Variants in FRMPD1 observed in about 807,000 individuals in gnomAD.
FRMPD1 encodes FERM and PDZ domain containing 1.
Under a neutral mutation model 117.8 loss-of-function variants are expected in FRMPD1, and 76 were observed. The ratio of observed to expected loss-of-function variants is 0.65; its 90% confidence interval spans 0.54 to 0.78. FRMPD1 has a LOEUF of 0.78. Among genes scored for constraint, FRMPD1 ranks in the 30% least tolerant of loss-of-function variants. The pLI is 0.00. For missense variants in FRMPD1, 1,786 were observed against 1,964.5 expected (o/e 0.91, Z 1.72); for synonymous variants, 783 against 770.4 (o/e 1.02, Z -0.27).
chr9:37,726,666 C>G (rs958605559), intron 7 of FRMPD1, among the ~76,000 whole-genome samples: 1 of 151,920 alleles, frequency 6.6e-6, no homozygotes, highest in Non-Finnish European at 1.5e-5. Flanking sequence ...CCACTGCACT[C>G]CAGCCTGGGC....
At position 37,735,743 on chromosome 9, in the gene FRMPD1, A is replaced by G. The variant is rs757999523; in HGVS notation, c.1401+9A>G. 4 of 1,597,068 alleles carry G rather than the reference A, an allele frequency of 2.5e-6. No individual in the cohort carries two copies. The highest frequency in any genetic ancestry group is 2.7e-5 in the African/African-American group (2 of 74,788). On this transcript the variant is annotated intron_variant, in intron 13 of 15. Coordinates refer to ENST00000377765, the MANE Select transcript of FRMPD1 (RefSeq NM_014907.3). ...ATCTTCAGGACGTCAAGGTAACACA[A>G]TGGGGAGAGATTCTGAATTCAACTG...
chr9:37,717,381 A>ATATATT lies in FRMPD1; in HGVS notation c.409-1687_409-1686insATATTT, dbSNP rs1335593457. ...TGTGTGTGTGTGTGTATATATATAT[A>ATATATT]TTTTTTTTTTTTTTTTGAGATGTAG... On this transcript the variant is annotated intron_variant, in intron 5 of 15. Coordinates refer to ENST00000377765, the MANE Select transcript of FRMPD1 (RefSeq NM_014907.3). Among the ~76,000 whole-genome samples, 194 of 114,338 alleles carry ATATATT rather than the reference A, an allele frequency of 1.7e-3. 1 individual carries two copies. Among genetic ancestry groups the ATATATT allele is most frequent in the Non-Finnish European group, 2.0e-3 (114 of 56,504 alleles). 75.0% of individuals were successfully genotyped at this position (114,338 alleles called of 152,430 possible). A position where few individuals can be genotyped will look rare whatever the true frequency, so the allele number is the denominator to read the frequency against.
At chr9:37,717,204 C>G (rs754442204) in intron 5 of FRMPD1, among the ~76,000 whole-genome samples, 1 of 151,732 alleles carries the variant, frequency 6.6e-6, no homozygotes, top group Non-Finnish European at 1.5e-5. Context: ...ACTTGATTGG[C>G]TCTGACTTGT....
chr9:37,613,801 C>T, the FRMPD1 span, among the ~76,000 whole-genome samples: 5 of 152,304 alleles, frequency 3.3e-5, no homozygotes, highest in South Asian at 2.1e-4. Context: ...GTACTATGTG[C>T]GGCTTCATGG....
chr9:37,697,395 C>G (rs1316042965), intron 2 of FRMPD1, among the ~76,000 whole-genome samples: 2 of 151,710 alleles, frequency 1.3e-5, no homozygotes, highest in African/African-American at 2.4e-5. Flanking sequence ...AATCCCGTCT[C>G]TGCTAAAAAA....
chr9:37,721,378 A>G (rs1823392036), intron 6 of FRMPD1, among the ~76,000 whole-genome samples: 1 of 152,254 alleles, frequency 6.6e-6, no homozygotes, highest in African/African-American at 2.4e-5. Flanking sequence ...CAATCACTGT[A>G]TTAAGAAGGA....
chr9:37,710,813 C>A (rs1822877442), intron 4 of FRMPD1, among the ~76,000 whole-genome samples: 1 of 151,894 alleles, frequency 6.6e-6, no homozygotes, highest in Non-Finnish European at 1.5e-5. Context: ...AAAAAATTAG[C>A]TGGGTGTGGT....
At chr9:37,701,014 A>G (rs1037442645) in intron 2 of FRMPD1, among the ~76,000 whole-genome samples, 40 of 152,226 alleles carry the variant, frequency 2.6e-4, no homozygotes, top group Non-Finnish European at 5.4e-4. Context: ...TTGGTCATGT[A>G]CTTAGGTTAA....
chr9:37,638,010 T>TCTCTCTC, the FRMPD1 span, among the ~76,000 whole-genome samples: 1 of 124,198 alleles, frequency 8.1e-6, no homozygotes, highest in Non-Finnish European at 1.7e-5. Context: ...CTTTCTTTCT[T>TCTCTCTC]TCTTTCTTTC....
At chr9:37,660,618 C>G (rs60770543) in intron 1 of FRMPD1, among the ~76,000 whole-genome samples, 16,353 of 152,230 alleles carry the variant, frequency 0.11, 1,362 homozygotes, top group African/African-American at 0.23. Context: ...TCCATTTTGA[C>G]AAGGCTTGTT....
At chr9:37,737,376 G>C in intron 14 of FRMPD1, 133 bp downstream of exon 14, 2 of 680,000 alleles carry the variant, frequency 2.9e-6, no homozygotes, top group Admixed American at 2.9e-5. Context: ...CTATTTCTCT[G>C]TTTATTTCCT....
chr9:37,709,561 A>G (rs1293909576), intron 4 of FRMPD1, among the ~76,000 whole-genome samples: 3 of 152,192 alleles, frequency 2.0e-5, no homozygotes, highest in Non-Finnish European at 4.4e-5. Context: ...TCTCAAAAAA[A>G]GAGAGAAAGA....
At chr9:37,650,755 G>T (rs1353077625), upstream of FRMPD1, among the ~76,000 whole-genome samples, 1 of 151,888 alleles carries the variant, frequency 6.6e-6, no homozygotes, top group African/African-American at 2.4e-5. Context: ...CAGGGCCCGG[G>T]TGGGAGCGGG....
At chr9:37,707,690 G>T in intron 3 of FRMPD1, 117 bp downstream of exon 3, 1 of 842,968 alleles carries the variant, frequency 1.2e-6, no homozygotes, top group South Asian at 1.7e-5. Flanking sequence ...TGGGAAGTTA[G>T]AAAAGGCACA....
At chr9:37,620,517 T>TA in the FRMPD1 span, among the ~76,000 whole-genome samples, 3,593 of 146,126 alleles carry the variant, frequency 0.025, 148 homozygotes, top group African/African-American at 0.082. Flanking sequence ...CATCATGATT[T>TA]AAAAAAAAAA....
chr9:37,709,506 G>A (rs903500473), intron 4 of FRMPD1, among the ~76,000 whole-genome samples: 2 of 151,800 alleles, frequency 1.3e-5, no homozygotes, highest in Non-Finnish European at 2.9e-5. Context: ...AATGGGCCAC[G>A]ATTGTACCAC....
chr9:37,709,576 G>T (rs748201491), intron 4 of FRMPD1, among the ~76,000 whole-genome samples: 3 of 152,092 alleles, frequency 2.0e-5, no homozygotes, highest in Non-Finnish European at 4.4e-5. Flanking sequence ...GAAAGAAAAA[G>T]AAAAGAAAAG....
At chr9:37,609,713 C>T in the FRMPD1 span, among the ~76,000 whole-genome samples, 4 of 151,566 alleles carry the variant, frequency 2.6e-5, no homozygotes, top group East Asian at 1.9e-4. Flanking sequence ...AGCGGCTTCC[C>T]ATCTGACTCA....
chr9:37,733,250 G>A (rs901470312), intron 10 of FRMPD1, among the ~76,000 whole-genome samples: 4 of 152,132 alleles, frequency 2.6e-5, no homozygotes, highest in Non-Finnish European at 5.9e-5. Flanking sequence ...AGAGTAATGA[G>A]CTCCCAGAAT....
Sources: allele counts gnomAD v4.1 joint callset (sites outside exome capture counted in the v4.1 genomes callset), GRCh38; gene constraint gnomAD v4.1.1; transcripts MANE v1.5; gene names NCBI Gene and HGNC (gene_info 2026-07-23, HGNC 2026-07-21).